Variants in RASGRF1 observed in about 807,000 individuals in gnomAD.
RASGRF1 encodes the protein Ras protein specific guanine nucleotide releasing factor 1.
In RASGRF1, 40 loss-of-function variants were observed where a neutral mutation model predicts 138.7. That is an observed-to-expected ratio of 0.29 (90% CI 0.22 to 0.38). The LOEUF (loss-of-function observed/expected upper bound fraction) is 0.38. Among genes scored for constraint, RASGRF1 ranks in the 10% least tolerant of loss-of-function variants. The pLI is 1.00. For missense variants in RASGRF1, 1,108 were observed against 1,650.4 expected, an observed-to-expected ratio of 0.67 and a Z score of 5.69; for synonymous variants, 614 against 663.2, an observed-to-expected ratio of 0.93 and a Z score of 1.14.
intron 4 of RASGRF1, 43 bp downstream of exon 4, chr15:79,049,453 A>C: frequency 1.3e-6 from 2 of 1,576,756 alleles, no homozygotes; most frequent in Non-Finnish European, 1.7e-6. Flanking sequence ...GGCTCTCTAA[A>C]GAGAGAGCTC....
intron 1 of RASGRF1, among the ~76,000 whole-genome samples, chr15:79,069,879 A>G (rs2057731607): frequency 6.6e-6 from 1 of 152,214 alleles, no homozygotes; most frequent in Non-Finnish European, 1.5e-5. Context: ...AAAAACCCAT[A>G]TCCCACAACC....
intron 2 of RASGRF1, among the ~76,000 whole-genome samples, chr15:79,062,095 C>T (rs2057615027): frequency 6.6e-6 from 1 of 152,150 alleles, no homozygotes; most frequent in Non-Finnish European, 1.5e-5. Flanking sequence ...TTTAGCCACT[C>T]TACTCTATAA....
At chr15:78,963,702 T>C (rs1489213631) in intron 26 of RASGRF1, among the ~76,000 whole-genome samples, 2 of 152,212 alleles carry the variant, frequency 1.3e-5, no homozygotes, top group Non-Finnish European at 2.9e-5. Flanking sequence ...ACTATAAAGG[T>C]TGGAACCGGC....
intron 24 of RASGRF1, chr15:78,980,319 G>A (rs1012004065): frequency 3.7e-5 from 9 of 242,716 alleles, no homozygotes; most frequent in South Asian, 1.7e-4. Context: ...AAAAGAAAAC[G>A]TGCATTTTAG....
At chr15:78,995,840 G>T (rs34428440) in intron 19 of RASGRF1, 40 bp from the exon 20 acceptor site, 236,921 of 1,606,426 alleles carry the variant, frequency 0.15, 18,338 homozygotes, top group Admixed American at 0.16. Flanking sequence ...CCCACTTCAC[G>T]TTGCAGCAGC....
intron 24 of RASGRF1, chr15:78,978,914 G>C: frequency 7.9e-7 from 1 of 1,263,744 alleles, no homozygotes; most frequent in Non-Finnish European, 1.0e-6. Context: ...GGGGAATGTG[G>C]GAGAGACACT....
chr15:79,033,896 T>C (rs2057181629), intron 6 of RASGRF1, among the ~76,000 whole-genome samples: 1 of 152,216 alleles, frequency 6.6e-6, no homozygotes, highest in African/African-American at 2.4e-5. Context: ...GGCCAAAACA[T>C]CTTCTTATAA....
intron 1 of RASGRF1, among the ~76,000 whole-genome samples, chr15:79,065,742 T>C (rs372255495): frequency 6.6e-6 from 1 of 152,006 alleles, no homozygotes; most frequent in Admixed American, 6.5e-5. Flanking sequence ...GGGCCAGCCA[T>C]GGTGTGACAC....
At chr15:78,992,155 C>G (rs1035041907) in intron 20 of RASGRF1, among the ~76,000 whole-genome samples, 2 of 152,242 alleles carry the variant, frequency 1.3e-5, no homozygotes, top group Non-Finnish European at 2.9e-5. Flanking sequence ...GACTGGAGCC[C>G]AGGTCGTCTG....
chr15:78,993,849 C>T (rs965399094), intron 20 of RASGRF1, among the ~76,000 whole-genome samples: 1 of 152,134 alleles, frequency 6.6e-6, no homozygotes, highest in Admixed American at 6.5e-5. Context: ...TCCTTCCGCT[C>T]ACTTCTGGGG....
At chr15:79,010,306 G>A (rs978473885) in intron 13 of RASGRF1, among the ~76,000 whole-genome samples, 1 of 152,168 alleles carries the variant, frequency 6.6e-6, no homozygotes, top group Non-Finnish European at 1.5e-5. Context: ...CCAAAGTGCC[G>A]GGATTACAGG....
At position 79,031,521 on chromosome 15, in the gene RASGRF1, T is replaced by C. The variant is rs779767554; in HGVS notation, c.1153-12A>G. 2 of 1,581,002 alleles carry C rather than the reference T, an allele frequency of 1.3e-6. No individual in the cohort carries two copies. The highest frequency in any genetic ancestry group is 2.2e-5 in the South Asian group (2 of 89,104). ...ATGTACCTGGGGATCTGCGGGCAGG[T>C]GGGAGAGGTGAGGGTGGAGAAAGAG... On this transcript the variant is annotated splice_polypyrimidine_tract_variant and intron_variant, in intron 7 of 26. Coordinates refer to ENST00000558480, the MANE Select transcript of RASGRF1 (RefSeq NM_001145648.3).
chr15:79,032,432 C>T lies in RASGRF1; in HGVS notation c.959-116G>A, dbSNP rs1398125868. On this transcript the variant is annotated intron_variant, in intron 6 of 26. Coordinates refer to ENST00000558480, the MANE Select transcript of RASGRF1 (RefSeq NM_001145648.3). The surrounding 1 kb of genome is among the most constrained non-coding windows in gnomAD (Gnocchi z 4.5). ...AGGCCAGGGGCCAGGTTCAAGTTCC[C>T]CACCCCAGAGACATCTCTGCTCTTG... 1 of 975,862 alleles carries T rather than the reference C, an allele frequency of 1.0e-6. No individual in the cohort carries two copies. The highest frequency in any genetic ancestry group is 1.6e-5 in the African/African-American group (1 of 61,674). The allele number at this position is 975,862 out of a possible 1,614,324, so 60.5% of individuals were successfully genotyped here. A position where few individuals can be genotyped will look rare whatever the true frequency, so the allele number is the denominator to read the frequency against.
In RASGRF1 at chr15:79,046,237, T is replaced by C. The variant is rs1034004829; in HGVS notation, c.878+509A>G. On this transcript the variant is annotated intron_variant, in intron 5 of 26. Coordinates refer to ENST00000558480, the MANE Select transcript of RASGRF1 (RefSeq NM_001145648.3). This position sits in a 1 kb window ranked among gnomAD's most constrained non-coding sequence, Gnocchi z 5.3. Reference sequence around the variant, plus strand: ...CCTGGCCTCCAGGTCATTATGATGGTATCAAGGTCAAAGAATAAGGTACTT... The same window carrying C: ...CCTGGCCTCCAGGTCATTATGATGGCATCAAGGTCAAAGAATAAGGTACTT... Among the ~76,000 whole-genome samples the C allele has an allele frequency of 1.3e-5, 2 of 152,362 alleles. No homozygotes were observed. Among genetic ancestry groups the C allele is most frequent in the African/African-American group, 4.8e-5 (2 of 41,594 alleles).
chr15:79,007,982 A>G (rs2141731857), intron 13 of RASGRF1, among the ~76,000 whole-genome samples: 1 of 151,706 alleles, frequency 6.6e-6, no homozygotes, highest in East Asian at 1.9e-4. Context: ...AGCTGGGATT[A>G]CAGGCATGCG....
Position 79,090,627 on chromosome 15 carries a change from C to G in RASGRF1, c.-129G>C, listed in dbSNP as rs757700380. On this transcript the variant is annotated 5_prime_UTR_variant, in exon 1 of 27. Coordinates refer to ENST00000558480, the MANE Select transcript of RASGRF1 (RefSeq NM_001145648.3). ...CGCTCCCTCTAGCTCTCCCCTCCCCCCAAATATCTACACTCCAGGATCTGG... is the reference window on the plus strand; with the variant it reads ...CGCTCCCTCTAGCTCTCCCCTCCCCGCAAATATCTACACTCCAGGATCTGG... 276 of 1,306,398 alleles carry G rather than the reference C, an allele frequency of 2.1e-4. 1 individual carries two copies. The highest frequency in any genetic ancestry group is 9.6e-4 in the South Asian group (68 of 71,204). 80.9% of individuals were successfully genotyped at this position (1,306,398 alleles called of 1,614,324 possible). A position where few individuals can be genotyped will look rare whatever the true frequency, so the allele number is the denominator to read the frequency against.
intron 13 of RASGRF1, among the ~76,000 whole-genome samples, chr15:79,012,738 A>G (rs186268018): frequency 6.6e-6 from 1 of 152,258 alleles, no homozygotes; most frequent in African/African-American, 2.4e-5. Context: ...GCTGGAGTGC[A>G]GTGGTGAGGT....
intron 24 of RASGRF1, among the ~76,000 whole-genome samples, chr15:78,975,889 T>C (rs2055860445): frequency 6.6e-6 from 1 of 152,106 alleles, no homozygotes; most frequent in African/African-American, 2.4e-5. Context: ...GGAGAAATAA[T>C]CCAAAGATCT....
chr15:78,972,391 G>A (rs1037877620), intron 25 of RASGRF1, among the ~76,000 whole-genome samples: 1 of 151,548 alleles, frequency 6.6e-6, no homozygotes, highest in Non-Finnish European at 1.5e-5. Context: ...GACCACACCC[G>A]GCCTCATGTT....
Sources: allele counts gnomAD v4.1 joint callset (sites outside exome capture counted in the v4.1 genomes callset), GRCh38; gene constraint gnomAD v4.1.1; non-coding constraint Gnocchi (gnomAD v3.1); transcripts MANE v1.5; gene names NCBI Gene and HGNC (gene_info 2026-07-23, HGNC 2026-07-21).